The following SLC35F1 variants were observed in gnomAD, a reference collection of about 807,000 sequenced individuals.
SLC35F1 encodes chromosome 6 open reading frame 169.
A neutral mutation model predicts 48.7 loss-of-function variants in SLC35F1; 14 were observed. The ratio of observed to expected loss-of-function variants is 0.29; its 90% CI spans 0.19 to 0.45. SLC35F1 has a LOEUF of 0.45. SLC35F1 is among the 20% of genes least tolerant of loss of function. The probability of loss-of-function intolerance (pLI) is 1.00; values close to 1 mark genes in which losing one functional copy is unlikely to be tolerated. For synonymous variants in SLC35F1, 190 were observed against 202.2 expected (o/e 0.94, Z 0.51); for missense variants, 404 against 500.0 (o/e 0.81, Z 1.83).
chr6:118,276,109 A>G (rs898753957), intron 5 of SLC35F1, among the ~76,000 whole-genome samples: 1 of 152,204 alleles, frequency 6.6e-6, no homozygotes, highest in Admixed American at 6.5e-5. Context: ...TAGCATTTCT[A>G]TTTTCCTTAA....
At chr6:118,017,068 A>G (rs761029013) in intron 1 of SLC35F1, among the ~76,000 whole-genome samples, 1 of 152,212 alleles carries the variant, frequency 6.6e-6, no homozygotes, top group Non-Finnish European at 1.5e-5. Context: ...TATTTCTGGA[A>G]AAGTTACTGT....
chr6:118,281,194 C>CTATA (rs1404844519), intron 6 of SLC35F1, among the ~76,000 whole-genome samples: 8 of 124,704 alleles, frequency 6.4e-5, no homozygotes, highest in African/African-American at 2.4e-4. Flanking sequence ...CTCTCTCTCT[C>CTATA]TCTCTCTCTC....
chr6:117,938,678 G>A (rs1310250765), intron 1 of SLC35F1, among the ~76,000 whole-genome samples: 9 of 152,232 alleles, frequency 5.9e-5, no homozygotes, highest in Admixed American at 5.2e-4. Flanking sequence ...GTAATTCTCA[G>A]TGGTGAAGGG....
chr6:118,096,604 A>T (rs1478677437), intron 1 of SLC35F1, among the ~76,000 whole-genome samples: 1 of 152,122 alleles, frequency 6.6e-6, no homozygotes. Context: ...ATTTTTCAAA[A>T]GCCCAAGGAT....
intron 1 of SLC35F1, among the ~76,000 whole-genome samples, chr6:118,092,208 C>T (rs1773084079): frequency 6.6e-6 from 1 of 152,174 alleles, no homozygotes; most frequent in Non-Finnish European, 1.5e-5. Flanking sequence ...CCCCTCCCAT[C>T]ACAGGTCTGA....
chr6:117,941,439 A>G (rs1465775562), intron 1 of SLC35F1, among the ~76,000 whole-genome samples: 1 of 152,216 alleles, frequency 6.6e-6, no homozygotes, highest in Admixed American at 6.5e-5. Flanking sequence ...TAGGGGTCAC[A>G]TCTTTGATGA....
chr6:118,122,958 G>A (rs969823891), intron 1 of SLC35F1, among the ~76,000 whole-genome samples: 94 of 152,268 alleles, frequency 6.2e-4, no homozygotes, highest in African/African-American at 2.2e-3. Context: ...TAGAAACAGA[G>A]ATGGCTATAG....
chr6:118,300,828 G>T lies in SLC35F1; in HGVS notation c.1003-13200G>T, dbSNP rs369493056. 2.1e-3 allele frequency among the ~76,000 whole-genome samples: 312 copies of T among 152,120 alleles called. 9 individuals are homozygous for T. The South Asian group carries it at 0.061, about 30-fold the overall frequency. ...GAATAAAATTTTATTTTTTAAATAA[G>T]TACATTATAACCATTCTGTGAGTCC... is the stretch of plus-strand genomic sequence containing the variant. On this transcript the variant is annotated intron_variant, in intron 7 of 7. Transcript: ENST00000360388.
At chr6:118,045,627 C>T (rs886192442) in intron 1 of SLC35F1, among the ~76,000 whole-genome samples, 5 of 152,172 alleles carry the variant, frequency 3.3e-5, no homozygotes, top group African/African-American at 1.2e-4. Context: ...TACTGGGGAT[C>T]TTCTGCCTGT....
At chr6:118,093,098 A>G (rs1773098764) in intron 1 of SLC35F1, among the ~76,000 whole-genome samples, 1 of 152,082 alleles carries the variant, frequency 6.6e-6, no homozygotes, top group Admixed American at 6.6e-5. Context: ...CGGGTGGATC[A>G]TGAGGTCAGT....
intron 1 of SLC35F1, among the ~76,000 whole-genome samples, chr6:117,966,237 C>G (rs1776568055): frequency 6.7e-6 from 1 of 148,858 alleles, no homozygotes; most frequent in African/African-American, 2.5e-5. Context: ...ATAAATCTTG[C>G]TGCTGCTCAC....
chr6:118,112,726 A>T (rs565792296), intron 1 of SLC35F1, among the ~76,000 whole-genome samples: 1 of 152,196 alleles, frequency 6.6e-6, no homozygotes. Flanking sequence ...AATATAATTG[A>T]TATACTAAGA....
intron 7 of SLC35F1, among the ~76,000 whole-genome samples, chr6:118,305,669 G>T (rs1274775480): frequency 2.0e-5 from 3 of 152,024 alleles, no homozygotes; most frequent in African/African-American, 4.8e-5. Context: ...TTAATATTAT[G>T]ATATAAAGTC....
chr6:118,104,629 C>T (rs761542330), intron 1 of SLC35F1, among the ~76,000 whole-genome samples: 1 of 151,936 alleles, frequency 6.6e-6, no homozygotes, highest in Non-Finnish European at 1.5e-5. Context: ...ATAATGTGGC[C>T]CCTAATGTGA....
chr6:118,039,893 C>T (rs949696579), intron 1 of SLC35F1, among the ~76,000 whole-genome samples: 1 of 139,988 alleles, frequency 7.1e-6, no homozygotes, highest in African/African-American at 2.6e-5. Flanking sequence ...GTTATATAGA[C>T]TTTGGGTTCT....
chr6:118,307,528 G>A (rs1776325661), intron 7 of SLC35F1, among the ~76,000 whole-genome samples: 1 of 152,148 alleles, frequency 6.6e-6, no homozygotes, highest in Non-Finnish European at 1.5e-5. Context: ...AATAATTGAG[G>A]AGTTTGAAAG....
At chr6:118,176,265 C>T (rs1397680069) in intron 2 of SLC35F1, among the ~76,000 whole-genome samples, 1 of 152,136 alleles carries the variant, frequency 6.6e-6, no homozygotes, top group Non-Finnish European at 1.5e-5. Context: ...ATTCTTATGA[C>T]TCTCCTCTCA....
intron 3 of SLC35F1, among the ~76,000 whole-genome samples, chr6:118,240,321 A>G (rs1195719950): frequency 6.6e-6 from 1 of 152,236 alleles, no homozygotes; most frequent in Non-Finnish European, 1.5e-5. Flanking sequence ...TGGGTCTATG[A>G]GGTTGGATAA....
chr6:118,225,179 C>T (rs1411506005), intron 2 of SLC35F1, among the ~76,000 whole-genome samples: 5 of 152,090 alleles, frequency 3.3e-5, no homozygotes, highest in Non-Finnish European at 5.9e-5. Flanking sequence ...ACCCCAGTAG[C>T]CAAAGCAATC....
Sources: gnomAD v4.1 joint callset for allele counts (sites outside exome capture counted in the v4.1 genomes callset) on GRCh38, gnomAD v4.1.1 for gene constraint, MANE v1.5 for transcripts, NCBI Gene and HGNC (gene_info 2026-07-23, HGNC 2026-07-21) for gene names.